SLC4A10: variants seen among roughly 807,000 people sequenced by gnomAD.
SLC4A10 encodes sodium-driven chloride bicarbonate exchanger.
In SLC4A10, 42 loss-of-function variants were observed where a neutral mutation model predicts 137.7. The observed-to-expected ratio is 0.30, with a 90% CI of 0.24 to 0.39. SLC4A10 has a LOEUF of 0.39. SLC4A10 is among the 10% of genes least tolerant of loss of function. The pLI is 1.00. For synonymous variants in SLC4A10, 474 were observed against 464.1 expected, an observed-to-expected ratio of 1.02 and a Z score of -0.27; for missense variants, 925 against 1,355.0, an observed-to-expected ratio of 0.68 and a Z score of 4.98.
chr2:161,936,890 C>A (rs971185884), intron 15 of SLC4A10, among the ~76,000 whole-genome samples: 2 of 152,116 alleles, frequency 1.3e-5, no homozygotes. Flanking sequence ...TTAGTTTCTT[C>A]TTATTTTGTG....
At chr2:161,685,432 C>T (rs1335982344) in intron 1 of SLC4A10, among the ~76,000 whole-genome samples, 1 of 152,008 alleles carries the variant, frequency 6.6e-6, no homozygotes, top group Non-Finnish European at 1.5e-5. Flanking sequence ...ATGGCAAAAC[C>T]CCATCTCTAC....
At chr2:161,784,784 T>C (rs2053434114) in intron 2 of SLC4A10, among the ~76,000 whole-genome samples, 1 of 150,650 alleles carries the variant, frequency 6.6e-6, no homozygotes, top group African/African-American at 2.4e-5. Context: ...GATAAAAGTC[T>C]ATATGAAAAA....
intron 15 of SLC4A10, among the ~76,000 whole-genome samples, chr2:161,932,362 G>A (rs1414725193): frequency 6.6e-6 from 1 of 152,152 alleles, no homozygotes; most frequent in African/African-American, 2.4e-5. Flanking sequence ...TTGACACTTT[G>A]AGGGAGGCTA....
chr2:161,633,926 T>C lies in SLC4A10; in HGVS notation c.48+9360T>C, dbSNP rs568026670. On this transcript the variant is annotated intron_variant, in intron 1 of 26. Coordinates refer to ENST00000446997, the MANE Select transcript of SLC4A10 (RefSeq NM_001178015.2). Reference sequence around the variant, plus strand: ...TTTATTTTGACTCTATTTTTACTCATGGAATACTTGCAAAAATAGTACAGA... The same window carrying C: ...TTTATTTTGACTCTATTTTTACTCACGGAATACTTGCAAAAATAGTACAGA... Among the ~76,000 whole-genome samples, 30 of 151,954 alleles carry C rather than the reference T, an allele frequency of 2.0e-4. 1 individual carries two copies. In the South Asian group the frequency reaches 5.2e-3, roughly 26 times the overall value.
chr2:161,654,897 TC>T (rs2037298266), intron 1 of SLC4A10, among the ~76,000 whole-genome samples: 1 of 152,314 alleles, frequency 6.6e-6, no homozygotes, highest in Non-Finnish European at 1.5e-5. Context: ...GAATTGTTTT[TC>T]TATTTGTAAA....
In SLC4A10 at chr2:161,710,271, C is replaced by T. The variant is rs190108514; in HGVS notation, c.49-60702C>T. Among the ~76,000 whole-genome samples, 6 of 151,738 alleles carry T rather than the reference C, an allele frequency of 4.0e-5. No homozygotes were observed. The East Asian group carries it at 9.7e-4, about 24-fold the overall frequency. ...ATGTCTAATCTGTTAGAATTTATTT[C>T]CAGTATTTGCATGTATTAGTCATTA... On this transcript the variant is annotated intron_variant, in intron 1 of 26. Coordinates refer to ENST00000446997, the MANE Select transcript of SLC4A10 (RefSeq NM_001178015.2).
Position 161,781,973 on chromosome 2 carries a change from G to A in SLC4A10, c.130+10919G>A, listed in dbSNP as rs183259164. 3.9e-4 allele frequency among the ~76,000 whole-genome samples: 59 copies of A among 152,184 alleles called. 1 individual carries two copies. The highest frequency in any genetic ancestry group is 2.4e-3 in the Admixed American group (36 of 15,270). On this transcript the variant is annotated intron_variant, in intron 2 of 26. Transcript: ENST00000446997. ...TTTGTGCATCCAATACCCCAACTTC[G>A]ATGGGGGCTACCCAAAGGACTGGCT... is the stretch of plus-strand genomic sequence containing the variant.
At chr2:161,719,096 T>G (rs1026447786) in intron 1 of SLC4A10, among the ~76,000 whole-genome samples, 3 of 151,962 alleles carry the variant, frequency 2.0e-5, no homozygotes, top group African/African-American at 7.3e-5. Flanking sequence ...ATGTTCCCCT[T>G]CTTGTGTCCA....
At chr2:161,893,837 A>C (rs1375137896) in intron 10 of SLC4A10, among the ~76,000 whole-genome samples, 3 of 151,960 alleles carry the variant, frequency 2.0e-5, no homozygotes, top group African/African-American at 2.4e-5. Context: ...ATAATCTAGA[A>C]ATGATTTAAA....
chr2:161,909,549 T>C (rs1220937558), intron 15 of SLC4A10, among the ~76,000 whole-genome samples: 1 of 152,178 alleles, frequency 6.6e-6, no homozygotes, highest in Non-Finnish European at 1.5e-5. Context: ...AATGACAGTC[T>C]CATGGGAAAT....
chr2:161,877,355 T>C (rs1484185930), intron 8 of SLC4A10, among the ~76,000 whole-genome samples: 1 of 152,074 alleles, frequency 6.6e-6, no homozygotes, highest in East Asian at 1.9e-4. Context: ...TATTGTATCA[T>C]TGTTCTTTCC....
intron 1 of SLC4A10, among the ~76,000 whole-genome samples, chr2:161,741,331 TA>T (rs143163818): frequency 0.085 from 12,185 of 143,764 alleles, 618 homozygotes; most frequent in East Asian, 0.15. Flanking sequence ...AAGGCTCCGC[TA>T]AAAAAAAAAG....
intron 2 of SLC4A10, among the ~76,000 whole-genome samples, chr2:161,773,764 T>C (rs2051969442): frequency 6.6e-6 from 1 of 151,922 alleles, no homozygotes; most frequent in South Asian, 2.1e-4. Flanking sequence ...TTATACATTC[T>C]GCTAAATGAT....
At chr2:161,663,305 G>T (rs920436257) in intron 1 of SLC4A10, among the ~76,000 whole-genome samples, 19 of 151,810 alleles carry the variant, frequency 1.3e-4, no homozygotes, top group Non-Finnish European at 2.6e-4. Context: ...CTGAAGTGAA[G>T]AATATGTTTC....
chr2:161,977,909 C>A, intron 26 of SLC4A10, 149 bp downstream of exon 26: 1 of 575,560 alleles, frequency 1.7e-6, no homozygotes, highest in Non-Finnish European at 2.9e-6. Context: ...CAGTAGCAGA[C>A]TGAGTTTGAT....
rs539205742 is a variant in SLC4A10, at chr2:161,740,750, G to A, written c.49-30223G>A. Among the ~76,000 whole-genome samples, 226 of 152,132 alleles carry A rather than the reference G, an allele frequency of 1.5e-3. 1 individual carries two copies. Among genetic ancestry groups the A allele is most frequent in the African/African-American group, 5.3e-3 (218 of 41,492 alleles). On this transcript the variant is annotated intron_variant, in intron 1 of 26. Transcript: ENST00000446997. ...CCTTTTAGCATCTCCAATTAATATA[G>A]CTTAAAGGGCAGATTTACATGCTTG...
chr2:161,676,892 A>G (rs1433589009), intron 1 of SLC4A10, among the ~76,000 whole-genome samples: 2 of 152,174 alleles, frequency 1.3e-5, no homozygotes, highest in African/African-American at 4.8e-5. Flanking sequence ...GTAAATAACT[A>G]TAAATATATC....
chr2:161,737,944 A>G (rs1380843334), intron 1 of SLC4A10, among the ~76,000 whole-genome samples: 1 of 152,130 alleles, frequency 6.6e-6, no homozygotes, highest in Non-Finnish European at 1.5e-5. Context: ...CAGCATTTCT[A>G]TTTACTCTCA....
At chr2:161,803,198 G>C (rs191869473) in intron 2 of SLC4A10, among the ~76,000 whole-genome samples, 14 of 152,028 alleles carry the variant, frequency 9.2e-5, no homozygotes, top group Admixed American at 3.9e-4. Context: ...TAACTTTGTT[G>C]GATAGGCTTT....
Sources: allele counts gnomAD v4.1 joint callset (sites outside exome capture counted in the v4.1 genomes callset), GRCh38; gene constraint gnomAD v4.1.1; transcripts MANE v1.5; gene names NCBI Gene and HGNC (gene_info 2026-07-23, HGNC 2026-07-21).